CPXM2: variants seen among roughly 807,000 people sequenced by gnomAD.
CPXM2 encodes inactive carboxypeptidase-like protein X2.
CPXM2 carries 66 observed loss-of-function variants against 86.1 expected under a neutral mutation model. That is an observed-to-expected ratio of 0.77 (90% CI 0.63 to 0.94). The LOEUF (loss-of-function observed/expected upper bound fraction) is 0.94. Among genes scored for constraint, CPXM2 ranks in the 40% least tolerant of loss-of-function variants. CPXM2 has a pLI of 0.00. For synonymous variants in CPXM2, 388 were observed against 400.2 expected (o/e 0.97, Z 0.36); for missense variants, 948 against 1,026.3 (o/e 0.92, Z 1.04).
chr10:123,918,454 A>G (rs1402010269), intron 2 of CPXM2, among the ~76,000 whole-genome samples: 1 of 152,090 alleles, frequency 6.6e-6, no homozygotes, highest in Non-Finnish European at 1.5e-5. Context: ...AAAGAAATAA[A>G]AACTCGAAGA....
Position 123,865,711 on chromosome 10 carries a change from C to T in CPXM2, c.404-2988G>A, listed in dbSNP as rs895845280. Among the ~76,000 whole-genome samples, 1 of 152,286 alleles carries T rather than the reference C, an allele frequency of 6.6e-6. No homozygotes were observed. Among genetic ancestry groups the T allele is most frequent in the Non-Finnish European group, 1.5e-5 (1 of 68,036 alleles). On this transcript the variant is annotated intron_variant, in intron 2 of 13. Transcript: ENST00000241305. The surrounding 1 kb of genome is among the most constrained non-coding windows in gnomAD (Gnocchi z 4.7). ...TTCACAACCGACATGGGGCACGGGACGGGCACCTGCAGCTACTGCCCAGAG... is the reference window on the plus strand; with the variant it reads ...TTCACAACCGACATGGGGCACGGGATGGGCACCTGCAGCTACTGCCCAGAG...
chr10:123,899,892 C>T (rs1347263729), intron 2 of CPXM2, among the ~76,000 whole-genome samples: 1 of 152,118 alleles, frequency 6.6e-6, no homozygotes, highest in Admixed American at 6.5e-5. Flanking sequence ...ATAAAAACCT[C>T]AGAAGCACAA....
At chr10:123,917,360 C>T (rs541473652) in intron 2 of CPXM2, among the ~76,000 whole-genome samples, 25 of 152,208 alleles carry the variant, frequency 1.6e-4, no homozygotes, top group Non-Finnish European at 3.4e-4. Context: ...TTTCTTAACA[C>T]CCAGCCTGAC....
In CPXM2 at chr10:123,751,734, C is replaced by T. The variant is rs967764813; in HGVS notation, c.2017+2929G>A. 3 of 985,270 alleles carry T rather than the reference C, an allele frequency of 3.0e-6. No homozygotes were observed. In the African/African-American group the frequency reaches 5.2e-5, roughly 17 times the overall value. 61.0% of individuals were successfully genotyped at this position (985,270 alleles called of 1,614,324 possible). A position where few individuals can be genotyped will look rare whatever the true frequency, so the allele number is the denominator to read the frequency against. ...AATAAAACTTGTCAGATCACATAAACCTCAGATAGAAATCAAGGCAAATTC... is the reference window on the plus strand; with the variant it reads ...AATAAAACTTGTCAGATCACATAAATCTCAGATAGAAATCAAGGCAAATTC... On this transcript the variant is annotated intron_variant, in intron 13 of 13. Coordinates refer to ENST00000241305, the MANE Select transcript of CPXM2 (RefSeq NM_198148.3).
chr10:123,856,614 C>A (rs28706682), intron 3 of CPXM2, among the ~76,000 whole-genome samples: 14,974 of 151,640 alleles, frequency 0.099, 919 homozygotes, highest in East Asian at 0.33. Context: ...TTTTTTGAGA[C>A]AGAGTCTCAT....
chr10:123,838,298 TA>T lies in CPXM2; in HGVS notation c.653+4050del, dbSNP rs554050958. Among the ~76,000 whole-genome samples the T allele has an allele frequency of 5.5e-3, 831 of 152,150 alleles. 10 individuals carry two copies. The highest frequency in any genetic ancestry group is 6.7e-3 in the Non-Finnish European group (454 of 68,000). ...CAACATGGTGAAACCCTGTGTCGACTAAAAATACAAAAATTAGCTGGGCACA... is the reference window on the plus strand; with the variant it reads ...CAACATGGTGAAACCCTGTGTCGACTAAAATACAAAAATTAGCTGGGCACA... On this transcript the variant is annotated intron_variant, in intron 4 of 13. Transcript: ENST00000241305.
chr10:123,773,003 C>G (rs1164173202), intron 7 of CPXM2, among the ~76,000 whole-genome samples: 1 of 150,834 alleles, frequency 6.6e-6, no homozygotes, highest in Non-Finnish European at 1.5e-5. Flanking sequence ...GTGGTTCTCA[C>G]CTCTCTGATT....
intron 2 of CPXM2, among the ~76,000 whole-genome samples, chr10:123,872,188 A>G (rs1590087213): frequency 6.6e-6 from 1 of 152,230 alleles, no homozygotes; most frequent in Non-Finnish European, 1.5e-5. Context: ...ATAGGTATAC[A>G]TGCAAAAAAA....
chr10:123,879,603 G>A (rs1945048329), intron 2 of CPXM2, among the ~76,000 whole-genome samples: 1 of 152,202 alleles, frequency 6.6e-6, no homozygotes, highest in Non-Finnish European at 1.5e-5. Context: ...TAGCAGAAAT[G>A]TGATCCTGGT....
intron 2 of CPXM2, among the ~76,000 whole-genome samples, chr10:123,917,737 G>C (rs1251168536): frequency 6.6e-6 from 1 of 152,204 alleles, no homozygotes; most frequent in Non-Finnish European, 1.5e-5. Flanking sequence ...CTTTCGTACA[G>C]TCTCATTTAT....
intron 2 of CPXM2, among the ~76,000 whole-genome samples, chr10:123,879,254 A>G (rs1033243025): frequency 6.6e-6 from 1 of 152,212 alleles, no homozygotes; most frequent in Non-Finnish European, 1.5e-5. Flanking sequence ...ACCTGTGACA[A>G]TCAACTCTGG....
At chr10:123,850,338 G>A (rs145148982) in intron 3 of CPXM2, among the ~76,000 whole-genome samples, 7 of 152,264 alleles carry the variant, frequency 4.6e-5, no homozygotes, top group Non-Finnish European at 7.4e-5. Flanking sequence ...ATAGTCCCCC[G>A]TTATCTGTGG....
intron 3 of CPXM2, among the ~76,000 whole-genome samples, chr10:123,857,266 T>G (rs527485584): frequency 1.3e-5 from 2 of 152,056 alleles, no homozygotes; most frequent in African/African-American, 4.8e-5. Context: ...TCTTTCAAAG[T>G]CTTCTGCTTA....
At chr10:123,936,968 C>T (rs971797261) in intron 2 of CPXM2, among the ~76,000 whole-genome samples, 1 of 152,158 alleles carries the variant, frequency 6.6e-6, no homozygotes, top group African/African-American at 2.4e-5. Context: ...CCTGGAAGGC[C>T]GGGGTAGGGG....
intron 2 of CPXM2, among the ~76,000 whole-genome samples, chr10:123,878,300 T>C (rs1945023071): frequency 1.3e-5 from 1 of 75,862 alleles, no homozygotes; most frequent in African/African-American, 5.0e-5. Flanking sequence ...TTCTCTCTTT[T>C]TTTTTTTTTT....
chr10:123,850,591 T>C (rs2134170641), intron 3 of CPXM2, among the ~76,000 whole-genome samples: 1 of 152,360 alleles, frequency 6.6e-6, no homozygotes, highest in East Asian at 1.9e-4. Context: ...GAGCTGGTAT[T>C]GCGGTGCTTG....
intron 2 of CPXM2, among the ~76,000 whole-genome samples, chr10:123,899,007 C>G (rs1034733451): frequency 6.6e-6 from 1 of 152,222 alleles, no homozygotes; most frequent in Admixed American, 6.5e-5. Context: ...GCCTCAGCCT[C>G]CCAAAGTGCT....
chr10:123,858,358 G>C (rs374652372), intron 3 of CPXM2, among the ~76,000 whole-genome samples: 191 of 152,360 alleles, frequency 1.3e-3, no homozygotes, highest in African/African-American at 4.5e-3. Flanking sequence ...CACATTTTCT[G>C]CAAGCGGCTC....
chr10:123,775,890 G>C (rs1846774483), intron 7 of CPXM2, among the ~76,000 whole-genome samples: 1 of 152,188 alleles, frequency 6.6e-6, no homozygotes, highest in Non-Finnish European at 1.5e-5. Context: ...AGGCAACCAT[G>C]AACATCCCCA....
Sources: allele counts gnomAD v4.1 joint callset (sites outside exome capture counted in the v4.1 genomes callset), GRCh38; gene constraint gnomAD v4.1.1; non-coding constraint Gnocchi (gnomAD v3.1); transcripts MANE v1.5; gene names NCBI Gene and HGNC (gene_info 2026-07-23, HGNC 2026-07-21).